The following SLC5A10 variants were observed in gnomAD, a reference collection of about 807,000 sequenced individuals.
SLC5A10 encodes the protein sodium/mannose cotransporter SLC5A10.
SLC5A10 carries 55 observed loss-of-function variants against 68.9 expected under a neutral mutation model. That is an observed-to-expected ratio of 0.80 (90% CI 0.64 to 1.00). SLC5A10 has a LOEUF of 1.00. SLC5A10 is among the 50% of genes least tolerant of loss of function. The probability of loss-of-function intolerance (pLI) is 0.00; values close to 1 mark genes in which losing one functional copy is unlikely to be tolerated. For synonymous variants in SLC5A10, 344 were observed against 344.8 expected (o/e 1.00, Z 0.02); for missense variants, 732 against 819.3 (o/e 0.89, Z 1.30).
intron 1 of SLC5A10, among the ~76,000 whole-genome samples, chr17:18,952,925 G>A (rs925125211): frequency 6.6e-6 from 1 of 152,086 alleles, no homozygotes; most frequent in African/African-American, 2.4e-5. Context: ...TGGAGAAACC[G>A]AGGCTCTGGC....
chr17:18,977,114 T>G (rs1386997021), intron 9 of SLC5A10, 125 bp downstream of exon 9: 2 of 1,321,738 alleles, frequency 1.5e-6, no homozygotes, highest in Non-Finnish European at 2.1e-6. Flanking sequence ...ACCTGGGGAG[T>G]GGGGAGAGTG....
chr17:18,979,386 G>A (rs1167054921), intron 9 of SLC5A10: 8 of 837,768 alleles, frequency 9.5e-6, no homozygotes, highest in Admixed American at 8.7e-5. Flanking sequence ...TTCTCTGCCT[G>A]CCTCCAGAGA....
rs200855886 is a variant in SLC5A10, at chr17:18,958,691, C to T, written c.121C>T (p.Arg41Trp). The T allele has an allele frequency of 3.2e-5, 51 of 1,614,046 alleles. No individual in the cohort carries two copies. Among genetic ancestry groups the T allele is most frequent in the Non-Finnish European group, 3.7e-5 (44 of 1,180,018 alleles). Residue 41 changes from arginine (R) to tryptophan (W), a missense_variant, in exon 2 of 15, where the codon CGG (arginine) becomes TGG (tryptophan). Coordinates refer to ENST00000395645, the MANE Select transcript of SLC5A10 (RefSeq NM_001042450.4). Reference sequence around the variant, plus strand: ...TTTTCTCCTCTTGCAGTCCTCTTGTCGGGCCAGTAGGAACACGGTGAATGG... The same window carrying T: ...TTTTCTCCTCTTGCAGTCCTCTTGTTGGGCCAGTAGGAACACGGTGAATGG... ...NVAVGIWSSC[R>W]ASRNTVNGYF... is the part of the protein sequence containing the mutation.
intron 9 of SLC5A10, among the ~76,000 whole-genome samples, chr17:18,985,724 G>A (rs533188272): frequency 1.5e-4 from 23 of 152,336 alleles, no homozygotes; most frequent in South Asian, 8.3e-4. Context: ...CCATGGAGGC[G>A]TCTAGCTCCT....
chr17:18,958,694 G>T lies in SLC5A10; in HGVS notation c.124G>T (p.Ala42Ser). Residue 42 changes from alanine (A) to serine (S), a missense_variant, in exon 2 of 15, where the codon GCC (alanine) becomes TCC (serine). Physicochemically the swap from Ala to Ser is moderately conservative, Grantham distance 99 (BLOSUM62 1). Coordinates refer to ENST00000395645, the MANE Select transcript of SLC5A10 (RefSeq NM_001042450.4). ...VAVGIWSSCR[A>S]SRNTVNGYFL... Reference sequence around the variant, plus strand: ...TCTCCTCTTGCAGTCCTCTTGTCGGGCCAGTAGGAACACGGTGAATGGCTA... The same window carrying T: ...TCTCCTCTTGCAGTCCTCTTGTCGGTCCAGTAGGAACACGGTGAATGGCTA... 1 of 1,614,150 alleles carries T rather than the reference G, an allele frequency of 6.2e-7. No individual in the cohort carries two copies. Among genetic ancestry groups the T allele is most frequent in the African/African-American group, 1.3e-5 (1 of 75,038 alleles).
chr17:19,015,343 T>C (rs2044117907), intron 11 of SLC5A10, 144 bp downstream of exon 11: 1 of 607,752 alleles, frequency 1.6e-6, no homozygotes, highest in Non-Finnish European at 2.9e-6. Context: ...GTGTACCCCA[T>C]CCATACCACC....
intron 8 of SLC5A10, among the ~76,000 whole-genome samples, chr17:18,972,867 T>C (rs1396120722): frequency 7.3e-6 from 1 of 137,818 alleles, no homozygotes; most frequent in Non-Finnish European, 1.6e-5. Context: ...AGACTCCGTC[T>C]AAAAAAAAAA....
intron 10 of SLC5A10, among the ~76,000 whole-genome samples, chr17:19,014,662 C>T (rs2044093231): frequency 6.6e-6 from 1 of 152,238 alleles, no homozygotes; most frequent in Admixed American, 6.5e-5. Context: ...GCTTCCATTT[C>T]CTCATCTGTC....
At chr17:18,983,261 C>G (rs1206242361) in intron 9 of SLC5A10, among the ~76,000 whole-genome samples, 4 of 152,226 alleles carry the variant, frequency 2.6e-5, no homozygotes, top group Non-Finnish European at 5.9e-5. Context: ...TTAATTTCAC[C>G]CTCACACAAC....
chr17:19,003,558 T>C lies in SLC5A10; in HGVS notation c.983-9852T>C. On this transcript the variant is annotated intron_variant, in intron 9 of 14. Coordinates refer to ENST00000395645, the MANE Select transcript of SLC5A10 (RefSeq NM_001042450.4). The surrounding 1 kb of genome is among the most constrained non-coding windows in gnomAD (Gnocchi z 4.5). ...CTGATCATCTTCCGCACCACCTCTT[T>C]GATGTGGGCCTGCCCGTCTATGGGG... The C allele has an allele frequency of 6.4e-7, 1 of 1,563,536 alleles. No individual in the cohort carries two copies. The highest frequency in any genetic ancestry group is 8.7e-7 in the Non-Finnish European group (1 of 1,154,334).
intron 8 of SLC5A10, among the ~76,000 whole-genome samples, chr17:18,973,234 C>T (rs1380849178): frequency 6.6e-6 from 1 of 152,234 alleles, no homozygotes; most frequent in African/African-American, 2.4e-5. Flanking sequence ...TGGCATGGCA[C>T]GGTCTTCTCT....
chr17:19,019,157 G>A (rs984865125), intron 11 of SLC5A10: 55 of 448,726 alleles, frequency 1.2e-4, no homozygotes, highest in Non-Finnish European at 1.1e-4. Context: ...TCCAAGGGCT[G>A]GCTCCGCAGA....
intron 9 of SLC5A10, 102 bp downstream of exon 9, chr17:18,977,091 G>A (rs1281413082): frequency 6.6e-7 from 1 of 1,514,048 alleles, no homozygotes; most frequent in Non-Finnish European, 8.9e-7. Flanking sequence ...GGATAGATGT[G>A]AACTGTTCCC....
At position 18,955,425 on chromosome 17, in the gene SLC5A10, C is replaced by T. The variant is rs532524621; in HGVS notation, c.111+3109C>T. Among the ~76,000 whole-genome samples the T allele has an allele frequency of 2.0e-5, 3 of 152,292 alleles. No homozygotes were observed. In the East Asian group the frequency reaches 5.8e-4, roughly 29 times the overall value. ...GAGCTGTTGCGAGGACTAAGAACTC[C>T]ACACAGATCAAGAAGTTGAAGCCAA... is the stretch of plus-strand genomic sequence containing the variant. On this transcript the variant is annotated intron_variant, in intron 1 of 14. Transcript: ENST00000395645.
intron 9 of SLC5A10, chr17:18,988,153 C>T: frequency 2.2e-5 from 34 of 1,520,118 alleles, no homozygotes; most frequent in Non-Finnish European, 2.7e-5. Flanking sequence ...TGGCACAGGA[C>T]TCCGTCCAGA....
At chr17:19,008,130 A>C (rs1261284846) in intron 9 of SLC5A10, among the ~76,000 whole-genome samples, 12 of 152,352 alleles carry the variant, frequency 7.9e-5, no homozygotes, top group Admixed American at 7.2e-4. Flanking sequence ...AGCTATAGAT[A>C]AAACTGGTTG....
At chr17:18,991,716 G>A (rs1445681363) in intron 9 of SLC5A10, among the ~76,000 whole-genome samples, 1 of 152,218 alleles carries the variant, frequency 6.6e-6, no homozygotes, top group Non-Finnish European at 1.5e-5. Flanking sequence ...CGTTGTCAAA[G>A]CCGACGGGCA....
chr17:18,981,458 G>A (rs974476509), intron 9 of SLC5A10, among the ~76,000 whole-genome samples: 1 of 152,212 alleles, frequency 6.6e-6, no homozygotes, highest in Non-Finnish European at 1.5e-5. Context: ...GAGCGATGGG[G>A]TTGGGTGTGT....
At chr17:18,976,188 A>AAAAAAAAAAAAAAAG (rs2042975976) in intron 8 of SLC5A10, 1 of 80,258 alleles carries the variant, frequency 1.2e-5, no homozygotes, top group South Asian at 4.5e-4. Context: ...ACTCCGACTC[A>AAAAAAAAAAAAAAAG]AAAAAAAAGT....
Sources: gnomAD v4.1 joint callset for allele counts (sites outside exome capture counted in the v4.1 genomes callset) on GRCh38, gnomAD v4.1.1 for gene constraint, Gnocchi (gnomAD v3.1) non-coding constraint, MANE v1.5 for transcripts, NCBI Gene and HGNC (gene_info 2026-07-23, HGNC 2026-07-21) for gene names.